The following PGGT1B variants were observed in gnomAD, a reference collection of about 807,000 sequenced individuals.
The protein encoded by PGGT1B is protein geranylgeranyltransferase type I subunit beta.
In PGGT1B, 30 loss-of-function variants were observed where a neutral mutation model predicts 46.1. The observed-to-expected ratio is 0.65, with a 90% CI of 0.49 to 0.88. The LOEUF is 0.88. Among genes scored for constraint, PGGT1B ranks in the 40% least tolerant of loss-of-function variants. PGGT1B has a pLI of 0.00. For missense variants in PGGT1B, 376 were observed against 455.9 expected (o/e 0.82, Z 1.60); for synonymous variants, 170 against 160.0 (o/e 1.06, Z -0.47).
chr5:115,256,671 C>T (rs1006077558), intron 1 of PGGT1B, among the ~76,000 whole-genome samples: 2 of 152,180 alleles, frequency 1.3e-5, no homozygotes, highest in Admixed American at 6.5e-5. Context: ...CTCTTCCAAT[C>T]ACATCAGAAT....
At position 115,209,807 on chromosome 5, in the gene PGGT1B, T is replaced by C. The variant is rs1756169796; in HGVS notation, c.*2595A>G. 6.6e-6 allele frequency: 1 copy of C among 152,142 alleles called. No individual in the cohort carries two copies. Among genetic ancestry groups the C allele is most frequent in the Non-Finnish European group, 1.5e-5 (1 of 68,010 alleles). The allele number at this position is 152,142 out of a possible 1,614,324, so 9.4% of individuals were successfully genotyped here. On this transcript the variant is annotated 3_prime_UTR_variant, in exon 9 of 9. Transcript: ENST00000419445. ...ATTCCAGGTACTATCCTAAGTGCTT[T>C]ATCTGTATTATCTCATTTAATCCTA...
chr5:115,253,765 A>T (rs974009403), intron 1 of PGGT1B, among the ~76,000 whole-genome samples: 1 of 152,056 alleles, frequency 6.6e-6, no homozygotes, highest in Non-Finnish European at 1.5e-5. Flanking sequence ...AATATAAAAC[A>T]TTTAAAAAAA....
intron 1 of PGGT1B, among the ~76,000 whole-genome samples, chr5:115,254,227 T>C (rs1024796210): frequency 6.6e-6 from 1 of 152,048 alleles, no homozygotes; most frequent in East Asian, 1.9e-4. Flanking sequence ...TTATCTAGAA[T>C]AGTACTACAG....
intron 1 of PGGT1B, among the ~76,000 whole-genome samples, chr5:115,259,921 C>T (rs1452601332): frequency 2.0e-5 from 3 of 152,024 alleles, no homozygotes; most frequent in Non-Finnish European, 4.4e-5. Context: ...CTACTTTGTT[C>T]CTTAATAAAA....
In PGGT1B at chr5:115,209,572, T is replaced by G. The variant is rs962414381; in HGVS notation, c.*2830A>C. On this transcript the variant is annotated 3_prime_UTR_variant, in exon 9 of 9. Coordinates refer to ENST00000419445, the MANE Select transcript of PGGT1B (RefSeq NM_005023.4). The stretch of plus-strand genomic sequence containing the variant: ...TCACTTAGTTGTATTTTGAAGTTCA[T>G]AGAGATACCTTGTCATCTAGCGTTG... 1.3e-5 allele frequency: 2 copies of G among 152,106 alleles called. No homozygotes were observed. Among genetic ancestry groups the G allele is most frequent in the Admixed American group, 6.6e-5 (1 of 15,248 alleles). 9.4% of individuals were successfully genotyped at this position (152,106 alleles called of 1,614,324 possible).
At chr5:115,226,553 T>A (rs539738729) in intron 6 of PGGT1B, among the ~76,000 whole-genome samples, 1,336 of 111,376 alleles carry the variant, frequency 0.012, 27 homozygotes, top group African/African-American at 0.061. Context: ...TATATATATA[T>A]AAAATAATAT....
Position 115,206,382 on chromosome 5 carries a change from A to G in PGGT1B, c.*6020T>C, listed in dbSNP as rs1324841664. 1 of 151,994 alleles carries G rather than the reference A, an allele frequency of 6.6e-6. No homozygotes were observed. The highest frequency in any genetic ancestry group is 1.5e-5 in the Non-Finnish European group (1 of 67,906). The allele number at this position is 151,994 out of a possible 1,614,324, so 9.4% of individuals were successfully genotyped here. On this transcript the variant is annotated 3_prime_UTR_variant, in exon 9 of 9. Coordinates refer to ENST00000419445, the MANE Select transcript of PGGT1B (RefSeq NM_005023.4). ...ATTTTAAAAAAAGGTTCAAAGTGAAATAAGCTATATATTTTTTAAAATTGT... is the reference window on the plus strand; with the variant it reads ...ATTTTAAAAAAAGGTTCAAAGTGAAGTAAGCTATATATTTTTTAAAATTGT...
chr5:115,262,519 C>A (rs1190886474), intron 1 of PGGT1B, 193 bp downstream of exon 1: 8 of 627,682 alleles, frequency 1.3e-5, no homozygotes, highest in Non-Finnish European at 2.2e-5. Context: ...CAGCCCTCGA[C>A]CTACAGCCTT....
intron 4 of PGGT1B, 104 bp downstream of exon 4, chr5:115,237,754 A>G: frequency 1.1e-6 from 1 of 936,624 alleles, no homozygotes; most frequent in Non-Finnish European, 1.6e-6. Flanking sequence ...GTGGGGTTCT[A>G]ATAGAGTATG....
chr5:115,253,178 A>G lies in PGGT1B; in HGVS notation c.218T>C (p.Ile73Thr), dbSNP rs1748177130. ...GACCTGCAGGGAATAAATCCACTCT[A>G]TTATATCATCTTTGTTCACCACATC... is the stretch of plus-strand genomic sequence containing the variant. ...SLDVVNKDDI[I>T]EWIYSLQVLP... Residue 73 changes from isoleucine to threonine, a missense_variant, in exon 2 of 9, where the codon ATA becomes ACA. Ile to Thr is a moderately conservative substitution (Grantham distance 89). Transcript: ENST00000419445. 6.2e-7 allele frequency: 1 copy of G among 1,607,154 alleles called. No homozygotes were observed. The highest frequency in any genetic ancestry group is 8.5e-7 in the Non-Finnish European group (1 of 1,176,954).
At chr5:115,220,398 G>A (rs902856365) in intron 7 of PGGT1B, among the ~76,000 whole-genome samples, 1 of 151,828 alleles carries the variant, frequency 6.6e-6, no homozygotes, top group Non-Finnish European at 1.5e-5. Flanking sequence ...ACCTAGAATA[G>A]ACAAATTCAT....
intron 2 of PGGT1B, among the ~76,000 whole-genome samples, chr5:115,242,264 A>G (rs559961990): frequency 6.6e-6 from 1 of 152,332 alleles, no homozygotes; most frequent in African/African-American, 2.4e-5. Context: ...ATTTCTCAAG[A>G]TATCAATGGA....
At chr5:115,237,357 G>A (rs926378947) in intron 4 of PGGT1B, among the ~76,000 whole-genome samples, 1 of 151,982 alleles carries the variant, frequency 6.6e-6, no homozygotes, top group East Asian at 1.9e-4. Context: ...TAAAGCTCCA[G>A]GAAGATTCAT....
In PGGT1B at chr5:115,212,457, C is replaced by T. The variant is rs1332383734; in HGVS notation, c.1079G>A (p.Ser360Asn). ...TSERLLDLHQSWKTKDSKQCS... is the reference protein window; with the variant it reads ...TSERLLDLHQNWKTKDSKQCS... ...TTGTTTAGAGTCCTTGGTTTTCCAG[C>T]TTTGATGGAGATCTAGAAGGCGTTC... The change falls in exon 9 of 9, where the codon AGC (serine) becomes AAC (asparagine). Residue 360 changes from serine to asparagine, a missense_variant. By Grantham distance (46) the Ser-to-Asn change is conservative (BLOSUM62 1). Around this residue, in one of 2 missense-constraint regions of PGGT1B, gnomAD observed 222 missense variants for 313.6 expected, o/e 0.71. Transcript: ENST00000419445. 6.8e-6 allele frequency: 11 copies of T among 1,607,598 alleles called. No individual in the cohort carries two copies. The highest frequency in any genetic ancestry group is 1.7e-5 in the Admixed American group (1 of 59,700).
At position 115,209,590 on chromosome 5, in the gene PGGT1B, TA is replaced by T. The variant is rs746238286; in HGVS notation, c.*2811del. The T allele has an allele frequency of 1.1e-4, 17 of 152,270 alleles. No individual in the cohort carries two copies. The highest frequency in any genetic ancestry group is 2.2e-4 in the Non-Finnish European group (15 of 68,010). The allele number at this position is 152,270 out of a possible 1,614,324, so 9.4% of individuals were successfully genotyped here. A position where few individuals can be genotyped will look rare whatever the true frequency, so the allele number is the denominator to read the frequency against. ...AAGTTCATAGAGATACCTTGTCATCTAGCGTTGTAATAGTGTCTGTGGCTAT... is the reference window on the plus strand; with the variant it reads ...AAGTTCATAGAGATACCTTGTCATCTGCGTTGTAATAGTGTCTGTGGCTAT... On this transcript the variant is annotated 3_prime_UTR_variant, in exon 9 of 9. Coordinates refer to ENST00000419445, the MANE Select transcript of PGGT1B (RefSeq NM_005023.4).
intron 2 of PGGT1B, among the ~76,000 whole-genome samples, chr5:115,246,372 T>A (rs1341640291): frequency 6.6e-6 from 1 of 151,156 alleles, no homozygotes; most frequent in Non-Finnish European, 1.5e-5. Context: ...AAAAAAAAAA[T>A]TCACCACTTA....
At chr5:115,256,573 T>A (rs542595745) in intron 1 of PGGT1B, among the ~76,000 whole-genome samples, 1 of 152,140 alleles carries the variant, frequency 6.6e-6, no homozygotes, top group Non-Finnish European at 1.5e-5. Flanking sequence ...TAAAAAGAGG[T>A]CCCATCAGAA....
intron 1 of PGGT1B, among the ~76,000 whole-genome samples, chr5:115,255,249 G>T (rs1260015343): frequency 6.6e-6 from 1 of 152,018 alleles, no homozygotes; most frequent in Non-Finnish European, 1.5e-5. Flanking sequence ...ATAGACTCTT[G>T]GTTGTAACCA....
At chr5:115,225,211 A>G (rs938091633) in intron 6 of PGGT1B, among the ~76,000 whole-genome samples, 2 of 152,220 alleles carry the variant, frequency 1.3e-5, no homozygotes, top group Admixed American at 1.3e-4. Flanking sequence ...AAAGAATAAG[A>G]AAGATTTTCA....
Sources: gnomAD v4.1 joint callset for allele counts (sites outside exome capture counted in the v4.1 genomes callset) on GRCh38, gnomAD v4.1.1 for gene constraint, gnomAD v4.1.1 regional missense constraint, MANE v1.5 for transcripts, NCBI Gene and HGNC (gene_info 2026-07-23, HGNC 2026-07-21) for gene names.